Variants in SASS6 observed in about 807,000 individuals in gnomAD.
SASS6 encodes the protein SAS-6 centriolar assembly protein.
In SASS6, 59 loss-of-function variants were observed where a neutral mutation model predicts 94.9. The ratio of observed to expected loss-of-function variants is 0.62; its 90% CI spans 0.50 to 0.77. SASS6 has a LOEUF of 0.77. SASS6 is among the 30% of genes least tolerant of loss of function. The probability of loss-of-function intolerance (pLI) is 0.00; values close to 1 mark genes in which losing one functional copy is unlikely to be tolerated. For missense variants in SASS6, 698 were observed against 734.1 expected (o/e 0.95, Z 0.57); for synonymous variants, 264 against 270.0 (o/e 0.98, Z 0.22).
rs1346287717 is a variant in SASS6, at chr1:100,108,011, T to C, written c.862-7A>G. 4 of 1,561,472 alleles carry C rather than the reference T, an allele frequency of 2.6e-6. No individual in the cohort carries two copies. Among genetic ancestry groups the C allele is most frequent in the Admixed American group, 1.8e-5 (1 of 54,054 alleles). ...GCTTAGTCCGCTGTAGCTCCTAGAA[T>C]GGGAAAAGAAAGAAATTAAGCATTA... On this transcript the variant is annotated splice_region_variant and splice_polypyrimidine_tract_variant and intron_variant, in intron 8 of 16. Transcript: ENST00000287482.
intron 13 of SASS6, among the ~76,000 whole-genome samples, chr1:100,105,514 G>T (rs1254236067): frequency 6.6e-6 from 1 of 151,636 alleles, no homozygotes; most frequent in Non-Finnish European, 1.5e-5. Context: ...GCGACAGAGC[G>T]AGACTCCATC....
In SASS6 at chr1:100,105,817, G is replaced by A. The variant is rs1426444001; in HGVS notation, c.1495C>T (p.His499Tyr). 1.2e-6 allele frequency: 2 copies of A among 1,613,254 alleles called. No individual in the cohort carries two copies. The highest frequency in any genetic ancestry group is 1.7e-6 in the Non-Finnish European group (2 of 1,179,470). ...VLGPSTTPPA[H>Y]SSSNTIRSGI... is the part of the protein sequence containing the mutation. The stretch of plus-strand genomic sequence containing the variant: ...CTTCTGATTGTGTTGCTGCTGGAAT[G>A]TGCAGGCGGAGTAGTAGAAGGTCCC... The change falls in exon 13 of 17, where the codon CAT (histidine) becomes TAT (tyrosine). Residue 499 changes from histidine (H) to tyrosine (Y), a missense_variant. By Grantham distance (83) the His-to-Tyr change is moderately conservative (BLOSUM62 2). Transcript: ENST00000287482.
chr1:100,084,729 G>A lies in SASS6; in HGVS notation c.*599C>T, dbSNP rs966152591. ...ATAAAAACTGTCCAAATTATTTTAA[G>A]TATATCAAATTTATTTGATTCATCA... On this transcript the variant is annotated 3_prime_UTR_variant, in exon 17 of 17. Coordinates refer to ENST00000287482, the MANE Select transcript of SASS6 (RefSeq NM_194292.3). The A allele has an allele frequency of 5.3e-5, 8 of 152,098 alleles. No individual in the cohort carries two copies. The highest frequency in any genetic ancestry group is 1.4e-4 in the African/African-American group (6 of 41,430). 9.4% of individuals were successfully genotyped at this position (152,098 alleles called of 1,614,324 possible). A position where few individuals can be genotyped will look rare whatever the true frequency, so the allele number is the denominator to read the frequency against.
intron 4 of SASS6, among the ~76,000 whole-genome samples, chr1:100,121,968 T>C (rs1654232958): frequency 6.6e-6 from 1 of 152,192 alleles, no homozygotes; most frequent in African/African-American, 2.4e-5. Flanking sequence ...TACAGAAGCA[T>C]CATTTTGTTC....
In SASS6 at chr1:100,085,269, T is replaced by C. The variant is rs1359113095; in HGVS notation, c.*59A>G. ...TTTGAGGATCTGGTTTGTGTTGACA[T>C]ATTTTTTAAGCACCTGAGTTTCTAA... On this transcript the variant is annotated 3_prime_UTR_variant, in exon 17 of 17. Coordinates refer to ENST00000287482, the MANE Select transcript of SASS6 (RefSeq NM_194292.3). 2.8e-6 allele frequency: 3 copies of C among 1,063,396 alleles called. No individual in the cohort carries two copies. The African/African-American group carries it at 4.7e-5, about 17-fold the overall frequency. The allele number at this position is 1,063,396 out of a possible 1,614,324, so 65.9% of individuals were successfully genotyped here.
intron 7 of SASS6, among the ~76,000 whole-genome samples, chr1:100,113,195 G>T (rs1302365454): frequency 6.6e-6 from 1 of 152,162 alleles, no homozygotes; most frequent in African/African-American, 2.4e-5. Context: ...TACTATTTGG[G>T]TGATTAGTTC....
At chr1:100,130,498 C>A (rs1179683006) in intron 1 of SASS6, among the ~76,000 whole-genome samples, 1 of 152,012 alleles carries the variant, frequency 6.6e-6, no homozygotes, top group Non-Finnish European at 1.5e-5. Context: ...CTGGGCAATA[C>A]AGGGAGACCC....
At chr1:100,098,986 C>A (rs1256623594) in intron 14 of SASS6, among the ~76,000 whole-genome samples, 1 of 152,096 alleles carries the variant, frequency 6.6e-6, no homozygotes, top group Non-Finnish European at 1.5e-5. Context: ...TCTAAGAGGA[C>A]TGGGGACCAC....
At chr1:100,111,053 C>G (rs554934632) in intron 7 of SASS6, among the ~76,000 whole-genome samples, 1 of 151,970 alleles carries the variant, frequency 6.6e-6, no homozygotes, top group East Asian at 1.9e-4. Context: ...CTGTCTGAAT[C>G]GTATCACAAA....
chr1:100,100,982 AAT>A (rs1330724033), intron 14 of SASS6, among the ~76,000 whole-genome samples: 4 of 152,158 alleles, frequency 2.6e-5, no homozygotes, highest in African/African-American at 9.7e-5. Flanking sequence ...TCTATTTTTG[AAT>A]ATATTTTATT....
chr1:100,130,689 G>GA (rs369101016), intron 1 of SASS6, among the ~76,000 whole-genome samples: 116,915 of 135,108 alleles, frequency 0.87, 50,963 homozygotes, highest in East Asian at 0.99. Context: ...ACTCTGTCTA[G>GA]AAAAAAAAAA....
At chr1:100,118,954 T>G (rs1653975206) in intron 7 of SASS6, 64 bp downstream of exon 7, 1 of 1,255,502 alleles carries the variant, frequency 8.0e-7, no homozygotes, top group African/African-American at 1.5e-5. Flanking sequence ...ATATTACTTT[T>G]AAAATTAACA....
intron 5 of SASS6, among the ~76,000 whole-genome samples, 171 bp from the exon 6 acceptor site, chr1:100,120,630 A>G (rs1301570200): frequency 6.6e-6 from 1 of 152,214 alleles, no homozygotes; most frequent in Admixed American, 6.5e-5. Context: ...TTAAAGTTTG[A>G]CATGCACTGA....
chr1:100,121,444 T>A lies in SASS6; in HGVS notation c.417A>T (p.Leu139=). The A allele has an allele frequency of 6.2e-7, 1 of 1,602,580 alleles. No homozygotes were observed. Among genetic ancestry groups the A allele is most frequent in the Admixed American group, 1.7e-5 (1 of 57,844 alleles). The change falls in exon 5 of 17, where the codon CTA becomes CTT. Residue 139 remains leucine (L), a synonymous_variant. Transcript: ENST00000287482. ...CCACATCATTTCCAGGTAAAAGTTT[T>A]AGTGAGAGGTGTGTAAGATGCTTAA... ...NPFKHLTHLS[L]KLLPGNDVEI...
At chr1:100,126,047 G>T in intron 1 of SASS6, 105 bp from the exon 2 acceptor site, 1 of 617,926 alleles carries the variant, frequency 1.6e-6, no homozygotes, top group African/African-American at 1.9e-5. Flanking sequence ...CTTTCCACAG[G>T]TGTTCTCTAA....
chr1:100,122,783 C>A (rs1654300524), intron 3 of SASS6, among the ~76,000 whole-genome samples: 1 of 151,958 alleles, frequency 6.6e-6, no homozygotes, highest in African/African-American at 2.4e-5. Context: ...GAACTTCTGA[C>A]CTCATGATCC....
At chr1:100,094,783 T>C (rs966450604) in intron 14 of SASS6, among the ~76,000 whole-genome samples, 2 of 149,770 alleles carry the variant, frequency 1.3e-5, no homozygotes, top group African/African-American at 4.9e-5. Flanking sequence ...GAAGAATCGC[T>C]GGAACCCAGG....
chr1:100,111,025 CTG>C (rs1429298989), intron 7 of SASS6, among the ~76,000 whole-genome samples: 1 of 152,018 alleles, frequency 6.6e-6, no homozygotes, highest in African/African-American at 2.4e-5. Context: ...ATGGTTATAA[CTG>C]TGCAATATTT....
At chr1:100,130,431 C>T (rs1037640262) in intron 1 of SASS6, among the ~76,000 whole-genome samples, 2 of 152,192 alleles carry the variant, frequency 1.3e-5, no homozygotes, top group African/African-American at 4.8e-5. Context: ...CTATAATCCC[C>T]GAATTTTGGG....
Sources: allele counts gnomAD v4.1 joint callset (sites outside exome capture counted in the v4.1 genomes callset), GRCh38; gene constraint gnomAD v4.1.1; transcripts MANE v1.5; gene names NCBI Gene and HGNC (gene_info 2026-07-23, HGNC 2026-07-21).